MSANTD2: variants seen among roughly 807,000 people sequenced by gnomAD.
MSANTD2 encodes myb/SANT-like DNA-binding domain-containing protein 2.
In MSANTD2, 19 loss-of-function variants were observed where a neutral mutation model predicts 52.6. The observed-to-expected ratio is 0.36, with a 90% CI of 0.25 to 0.53. MSANTD2 has a LOEUF of 0.53. Among genes scored for constraint, MSANTD2 ranks in the 20% least tolerant of loss-of-function variants. The pLI is 0.91. For synonymous variants in MSANTD2, 291 were observed against 289.7 expected (o/e 1.00, Z -0.04); for missense variants, 558 against 716.3 (o/e 0.78, Z 2.52).
chr11:124,781,485 G>C (rs1944964493), intron 1 of MSANTD2, among the ~76,000 whole-genome samples: 1 of 152,130 alleles, frequency 6.6e-6, no homozygotes, highest in South Asian at 2.1e-4. Context: ...ACGTTCCTTA[G>C]TAGTCTCTAT....
At chr11:124,784,168 A>G in intron 1 of MSANTD2, 1 of 985,354 alleles carries the variant, frequency 1.0e-6, no homozygotes, top group Non-Finnish European at 1.2e-6. Flanking sequence ...AAAAAAAAAA[A>G]ATCAGTTGTT....
intron 1 of MSANTD2, among the ~76,000 whole-genome samples, chr11:124,799,195 G>C (rs1945594627): frequency 6.6e-6 from 1 of 152,200 alleles, no homozygotes; most frequent in Non-Finnish European, 1.5e-5. Flanking sequence ...AACTCTGGAG[G>C]CATCGACAAT....
rs747400639 is a variant in MSANTD2 at position 124,795,986 on chromosome 11, C to T, written c.510+3885G>A. Among the ~76,000 whole-genome samples, 49 of 152,258 alleles carry T rather than the reference C, an allele frequency of 3.2e-4. 1 individual carries two copies. Among genetic ancestry groups the T allele is most frequent in the Non-Finnish European group, 5.3e-4 (36 of 68,010 alleles). ...GTCAAACACATCCGTTTTACCCAAA[C>T]GACAGAACAAATACCAATAAGATGA... On this transcript the variant is annotated intron_variant, in intron 1 of 3. Transcript: ENST00000374979.
Position 124,767,343 on chromosome 11 carries a change from C to A in MSANTD2, c.1513G>T (p.Val505Phe), listed in dbSNP as rs200870886. 10 of 1,614,044 alleles carry A rather than the reference C, an allele frequency of 6.2e-6. No individual in the cohort carries two copies. The highest frequency in any genetic ancestry group is 1.6e-4 in the Middle Eastern group (1 of 6,084). ...ANTKTFSKDW[V>F]GINGFLSQNC... The stretch of plus-strand genomic sequence containing the variant: ...TGAGACAAAAACCCGTTAATACCAA[C>A]CCAATCTTTGCTGAAGGTTTTGGTA... Residue 505 changes from valine to phenylalanine, a missense_variant, in exon 4 of 4, where the codon GTT becomes TTT. Val to Phe is a conservative substitution (Grantham distance 50). Around this residue, in one of 2 missense-constraint regions of MSANTD2, gnomAD observed 408 missense variants for 573.6 expected, o/e 0.71. Coordinates refer to ENST00000374979, the MANE Select transcript of MSANTD2 (RefSeq NM_001308027.2). The surrounding 1 kb of genome is among the most constrained non-coding windows in gnomAD (Gnocchi z 6.5).
chr11:124,799,769 C>G (rs1420594261), intron 1 of MSANTD2, 102 bp downstream of exon 1: 11 of 804,980 alleles, frequency 1.4e-5, no homozygotes, highest in Non-Finnish European at 2.0e-5. Context: ...CACCGGGCCC[C>G]GGAGGAGAGC....
chr11:124,793,400 T>C (rs771901179), intron 1 of MSANTD2, among the ~76,000 whole-genome samples: 13 of 152,238 alleles, frequency 8.5e-5, no homozygotes, highest in Non-Finnish European at 1.3e-4. Flanking sequence ...TCCAAACACA[T>C]CATGAAAAAT....
chr11:124,767,375 T>C lies in MSANTD2; in HGVS notation c.1481A>G (p.Gln494Arg). The C allele has an allele frequency of 6.2e-7, 1 of 1,614,196 alleles. No homozygotes were observed. Among genetic ancestry groups the C allele is most frequent in the South Asian group, 1.1e-5 (1 of 91,076 alleles). ...TLQQCLFLHF[Q>R]ANTKTFSKDW... ...TTTGCTGAAGGTTTTGGTATTCGCT[T>C]GGAAATGTAAAAATAAGCACTGCTG... is the stretch of plus-strand genomic sequence containing the variant. The change falls in exon 4 of 4, where the codon CAA becomes CGA. Residue 494 changes from glutamine to arginine, a missense_variant. By Grantham distance (43) the Gln-to-Arg change is conservative. Around this residue, in one of 2 missense-constraint regions of MSANTD2, gnomAD observed 408 missense variants for 573.6 expected, o/e 0.71. Transcript: ENST00000374979. The surrounding 1 kb of genome is among the most constrained non-coding windows in gnomAD (Gnocchi z 6.5).
intron 3 of MSANTD2, among the ~76,000 whole-genome samples, chr11:124,768,737 G>A (rs145783509): frequency 2.0e-5 from 3 of 152,116 alleles, no homozygotes; most frequent in Admixed American, 1.3e-4. Context: ...GATTTCAAGA[G>A]AGCAACATTC....
rs977594052 is a variant in MSANTD2, at chr11:124,784,744, T to C, written c.511-9770A>G. ...CCTATAATAGAGATGTTTCCATTAG[T>C]AGATTTTACACATTTGGTTATGAGA... On this transcript the variant is annotated intron_variant, in intron 1 of 3. Transcript: ENST00000374979. 14 of 845,038 alleles carry C rather than the reference T, an allele frequency of 1.7e-5. No homozygotes were observed. In the South Asian group the frequency reaches 2.7e-4, roughly 16 times the overall value. 52.3% of individuals were successfully genotyped at this position (845,038 alleles called of 1,614,324 possible).
In MSANTD2 at chr11:124,779,396, T is replaced by C. The variant is rs1235714479; in HGVS notation, c.511-4422A>G. Among the ~76,000 whole-genome samples, 1 of 152,236 alleles carries C rather than the reference T, an allele frequency of 6.6e-6. No homozygotes were observed. The highest frequency in any genetic ancestry group is 1.5e-5 in the Non-Finnish European group (1 of 68,038). Reference sequence around the variant, plus strand: ...AAACTAAATAAATCATAAAGGCATATGCCAACCAATTCCAGTATTGGCTTA... The same window carrying C: ...AAACTAAATAAATCATAAAGGCATACGCCAACCAATTCCAGTATTGGCTTA... On this transcript the variant is annotated intron_variant, in intron 1 of 3. Transcript: ENST00000374979. This position sits in a 1 kb window ranked among gnomAD's most constrained non-coding sequence, Gnocchi z 4.6.
chr11:124,775,069 A>G (rs771240657), intron 1 of MSANTD2, 95 bp from the exon 2 acceptor site: 51 of 1,007,212 alleles, frequency 5.1e-5, no homozygotes, highest in East Asian at 8.0e-5. Context: ...AGACACAGAC[A>G]GACAAACATA....
chr11:124,800,202 G>A lies in MSANTD2; in HGVS notation c.179C>T (p.Ala60Val), dbSNP rs1945652325. ...LGPGSAAGSG[A>V]AASGGLGLGL... ...CAGCCCGAGACCCCCGGACGCCGCT[G>A]CCCCCGAGCCCGCCGCACTGCCCGG... The change falls in exon 1 of 4, where the codon GCA becomes GTA. Residue 60 changes from alanine (A) to valine (V), a missense_variant. Around this residue, in one of 2 missense-constraint regions of MSANTD2, gnomAD observed 150 missense variants for 142.7 expected, o/e 1.05. Coordinates refer to ENST00000374979, the MANE Select transcript of MSANTD2 (RefSeq NM_001308027.2). This position sits in a 1 kb window ranked among gnomAD's most constrained non-coding sequence, Gnocchi z 4.3. The A allele has an allele frequency of 3.4e-6, 5 of 1,474,908 alleles. No homozygotes were observed. Among genetic ancestry groups the A allele is most frequent in the Non-Finnish European group, 4.5e-6 (5 of 1,114,958 alleles). 91.4% of individuals were successfully genotyped at this position (1,474,908 alleles called of 1,614,324 possible).
At position 124,773,071 on chromosome 11, in the gene MSANTD2, T is replaced by G; in HGVS notation, c.767-17A>C. The G allele has an allele frequency of 1.3e-6, 2 of 1,485,730 alleles. No homozygotes were observed. Among genetic ancestry groups the G allele is most frequent in the Non-Finnish European group, 9.4e-7 (1 of 1,064,930 alleles). The allele number at this position is 1,485,730 out of a possible 1,614,324, so 92.0% of individuals were successfully genotyped here. A position where few individuals can be genotyped will look rare whatever the true frequency, so the allele number is the denominator to read the frequency against. On this transcript the variant is annotated splice_polypyrimidine_tract_variant and intron_variant, in intron 2 of 3. Transcript: ENST00000374979. ...GTATTTCATCTGAAAAGCAAAGATT[T>G]TGAAAAAAGTTATACTTTCCTAAGT...
chr11:124,766,997 G>C lies in MSANTD2; in HGVS notation c.*179C>G. ...TTGCTCAAAATGAGCATTTTCAGGT[G>C]AGGTCTGTTTTTTCTGGCCCAAGTC... On this transcript the variant is annotated 3_prime_UTR_variant, in exon 4 of 4. Coordinates refer to ENST00000374979, the MANE Select transcript of MSANTD2 (RefSeq NM_001308027.2). The C allele has an allele frequency of 1.7e-6, 1 of 593,474 alleles. No individual in the cohort carries two copies. The highest frequency in any genetic ancestry group is 2.9e-6 in the Non-Finnish European group (1 of 350,446). 36.8% of individuals were successfully genotyped at this position (593,474 alleles called of 1,614,324 possible).
At chr11:124,771,996 T>G (rs1368546413) in intron 3 of MSANTD2, among the ~76,000 whole-genome samples, 1 of 152,222 alleles carries the variant, frequency 6.6e-6, no homozygotes, top group Non-Finnish European at 1.5e-5. Context: ...AATCAGGGAC[T>G]CACTTAAAGC....
chr11:124,781,629 G>C (rs1944970481), intron 1 of MSANTD2, among the ~76,000 whole-genome samples: 1 of 149,984 alleles, frequency 6.7e-6, no homozygotes, highest in African/African-American at 2.5e-5. Context: ...TATTAAAACT[G>C]TTCCTATTGT....
chr11:124,774,867 A>G lies in MSANTD2; in HGVS notation c.618T>C (p.Asp206=). 6.2e-7 allele frequency: 1 copy of G among 1,613,830 alleles called. No homozygotes were observed. The highest frequency in any genetic ancestry group is 8.5e-7 in the Non-Finnish European group (1 of 1,180,018). Residue 206 remains aspartate, a synonymous_variant, in exon 2 of 4, where the codon GAT becomes GAC. Transcript: ENST00000374979. This position sits in a 1 kb window ranked among gnomAD's most constrained non-coding sequence, Gnocchi z 5.1. ...TAAGTACAGGCTGGCAGGGCTGAGC[A>G]TCCCATCCTCCCTGACCAAACACCT... ...LEQVFGQGGW[D]AQPCQPVLIN...
Position 124,787,930 on chromosome 11 carries a change from C to CA in MSANTD2, c.510+11940dup, listed in dbSNP as rs541746597. 1.8e-3 allele frequency among the ~76,000 whole-genome samples: 273 copies of CA among 151,864 alleles called. 1 individual carries two copies. The highest frequency in any genetic ancestry group is 6.3e-3 in the African/African-American group (261 of 41,426). On this transcript the variant is annotated intron_variant, in intron 1 of 3. Transcript: ENST00000374979. The stretch of plus-strand genomic sequence containing the variant: ...GCAACATGGCAAAACCCCATCTCTA[C>CA]AAAAAAATACAACAATTAGCTGGGC...
intron 2 of MSANTD2, chr11:124,773,324 T>C: frequency 7.5e-6 from 2 of 266,420 alleles, no homozygotes; most frequent in Non-Finnish European, 1.4e-5. Context: ...AAAGCTTAAT[T>C]TCACTGCAGA....
Sources: allele counts gnomAD v4.1 joint callset (sites outside exome capture counted in the v4.1 genomes callset), GRCh38; gene constraint gnomAD v4.1.1; regional missense constraint gnomAD v4.1.1; non-coding constraint Gnocchi (gnomAD v3.1); transcripts MANE v1.5; gene names NCBI Gene and HGNC (gene_info 2026-07-23, HGNC 2026-07-21).